CELF2: variants seen among roughly 807,000 people sequenced by gnomAD.
CELF2 encodes CUG triplet repeat RNA-binding protein 2.
A neutral mutation model predicts 62.6 loss-of-function variants in CELF2; 8 were observed. That is an observed-to-expected ratio of 0.13 (90% CI 0.07 to 0.23). The LOEUF (loss-of-function observed/expected upper bound fraction) is 0.23. CELF2 is among the 10% of genes least tolerant of loss of function. The probability of loss-of-function intolerance (pLI) is 1.00; values close to 1 mark genes in which losing one functional copy is unlikely to be tolerated. For synonymous variants in CELF2, 258 were observed against 250.0 expected, an observed-to-expected ratio of 1.03 and a Z score of -0.30; for missense variants, 333 against 671.0, an observed-to-expected ratio of 0.50 and a Z score of 5.56.
At chr10:10,845,225 A>G (rs1181579588) in intron 1 of CELF2, among the ~76,000 whole-genome samples, 1 of 151,942 alleles carries the variant, frequency 6.6e-6, no homozygotes, top group Non-Finnish European at 1.5e-5. Flanking sequence ...AGGGCCTCAA[A>G]TGGGAGATCT....
chr10:10,569,484 T>C, the CELF2 span, among the ~76,000 whole-genome samples: 1 of 152,146 alleles, frequency 6.6e-6, no homozygotes, highest in Non-Finnish European at 1.5e-5. Flanking sequence ...ATAGGAATTA[T>C]GGGAGCTACA....
At chr10:10,920,432 G>A (rs1477937346) in intron 2 of CELF2, among the ~76,000 whole-genome samples, 1 of 152,186 alleles carries the variant, frequency 6.6e-6, no homozygotes, top group Non-Finnish European at 1.5e-5. Flanking sequence ...AGCTTCCCCT[G>A]AAGAGCTCAC....
upstream of CELF2, among the ~76,000 whole-genome samples, chr10:10,795,328 G>A (rs1195913784): frequency 6.7e-6 from 1 of 148,328 alleles, no homozygotes; most frequent in Admixed American, 6.8e-5. Flanking sequence ...TTTTTTTTAT[G>A]TAAAGGGGTA....
At chr10:10,723,582 A>G in the CELF2 span, among the ~76,000 whole-genome samples, 1 of 152,220 alleles carries the variant, frequency 6.6e-6, no homozygotes, top group African/African-American at 2.4e-5. Flanking sequence ...AAGACTTCTA[A>G]GGTGCCCAGT....
intron 1 of CELF2, among the ~76,000 whole-genome samples, chr10:10,818,109 G>C (rs543703682): frequency 6.6e-6 from 1 of 152,046 alleles, no homozygotes; most frequent in Non-Finnish European, 1.5e-5. Context: ...ATTTCATTGG[G>C]GTCAATAAAA....
rs2096121955 is a variant in CELF2, at chr10:11,336,624, A to G, written c.*7571A>G. On this transcript the variant is annotated 3_prime_UTR_variant, in exon 13 of 13. Transcript: ENST00000633077. The surrounding 1 kb of genome is among the most constrained non-coding windows in gnomAD (Gnocchi z 5.4). ...ATACAGGATATTTTTCATTAAAATT[A>G]TATCACTGGCTTTATGACTTAATAT... The G allele has an allele frequency of 6.6e-6, 1 of 152,668 alleles. No homozygotes were observed. The highest frequency in any genetic ancestry group is 2.4e-5 in the African/African-American group (1 of 41,450). The allele number at this position is 152,668 out of a possible 1,614,324, so 9.5% of individuals were successfully genotyped here.
upstream of CELF2, among the ~76,000 whole-genome samples, chr10:10,795,259 A>G (rs568035427): frequency 1.4e-3 from 211 of 149,104 alleles, no homozygotes; most frequent in African/African-American, 5.1e-3. Flanking sequence ...TTTTTTTTTA[A>G]CAGGGAACTC....
the CELF2 span, among the ~76,000 whole-genome samples, chr10:10,659,952 AG>A: frequency 4.6e-5 from 7 of 152,158 alleles, no homozygotes; most frequent in Admixed American, 1.3e-4. Flanking sequence ...AGAGAGAGAG[AG>A]GTGGCGTGAC....
At chr10:10,643,370 G>A in the CELF2 span, among the ~76,000 whole-genome samples, 1 of 152,038 alleles carries the variant, frequency 6.6e-6, no homozygotes, top group African/African-American at 2.4e-5. Context: ...GAGATCTGAT[G>A]GTTCTATAAA....
At chr10:10,555,281 C>CTTTTT in the CELF2 span, among the ~76,000 whole-genome samples, 1 of 146,030 alleles carries the variant, frequency 6.8e-6, no homozygotes, top group African/African-American at 2.5e-5. Flanking sequence ...GCCAGAAAGT[C>CTTTTT]TTTTTTTTTT....
At position 11,309,154 on chromosome 10, in the gene CELF2, TGC is replaced by T. The variant is rs1181522480; in HGVS notation, c.977-4984_977-4983del. Among the ~76,000 whole-genome samples, 2 of 152,248 alleles carry T rather than the reference TGC, an allele frequency of 1.3e-5. No homozygotes were observed. The highest frequency in any genetic ancestry group is 2.9e-5 in the Non-Finnish European group (2 of 68,036). ...CGCACAGTTTCTGTTGTCTGCTGTC[TGC>T]TTTTTCCTGTGTACGGATTGCATGT... On this transcript the variant is annotated intron_variant, in intron 9 of 12. Coordinates refer to ENST00000633077, the MANE Select transcript of CELF2 (RefSeq NM_001326342.2). The surrounding 1 kb of genome is among the most constrained non-coding windows in gnomAD (Gnocchi z 5.6).
chr10:10,572,830 T>G, the CELF2 span, among the ~76,000 whole-genome samples: 1 of 152,212 alleles, frequency 6.6e-6, no homozygotes, highest in Non-Finnish European at 1.5e-5. Flanking sequence ...TACGTGTACA[T>G]GTATCTTTGT....
chr10:11,221,157 C>T (rs1206868469), intron 3 of CELF2, among the ~76,000 whole-genome samples: 1 of 152,212 alleles, frequency 6.6e-6, no homozygotes, highest in African/African-American at 2.4e-5. Flanking sequence ...CCTTGTTAGG[C>T]TGACTTTTCC....
At chr10:11,284,829 A>G (rs1414768698) in intron 8 of CELF2, among the ~76,000 whole-genome samples, 1 of 129,210 alleles carries the variant, frequency 7.7e-6, no homozygotes, top group Non-Finnish European at 1.7e-5. Flanking sequence ...TGGGTGGGAG[A>G]ATAATGGATG....
chr10:10,670,019 C>T, the CELF2 span, among the ~76,000 whole-genome samples: 1 of 151,132 alleles, frequency 6.6e-6, no homozygotes, highest in South Asian at 2.1e-4. Flanking sequence ...TCTCCTGCCT[C>T]AGCCTCCCAA....
intron 11 of CELF2, among the ~76,000 whole-genome samples, chr10:11,325,069 G>A (rs1008276191): frequency 3.9e-5 from 6 of 152,308 alleles, no homozygotes; most frequent in South Asian, 4.2e-4. Flanking sequence ...TTAGGAGCAC[G>A]CACCTCTCCA....
intron 2 of CELF2, among the ~76,000 whole-genome samples, chr10:10,984,716 G>A (rs953414351): frequency 2.0e-5 from 3 of 151,998 alleles, no homozygotes; most frequent in African/African-American, 7.2e-5. Flanking sequence ...CTCTTTTAAG[G>A]GGATTCACCA....
chr10:10,652,066 G>A, the CELF2 span, among the ~76,000 whole-genome samples: 6 of 146,216 alleles, frequency 4.1e-5, no homozygotes, highest in African/African-American at 1.0e-4. Flanking sequence ...CGAGAACTAC[G>A]TGAAGAATGC....
At chr10:10,466,333 T>C in the CELF2 span, among the ~76,000 whole-genome samples, 2 of 152,170 alleles carry the variant, frequency 1.3e-5, no homozygotes, top group Non-Finnish European at 2.9e-5. Flanking sequence ...TGTGTCTGGC[T>C]TTTTCATTTT....
Sources: allele counts gnomAD v4.1 joint callset (sites outside exome capture counted in the v4.1 genomes callset), GRCh38; gene constraint gnomAD v4.1.1; non-coding constraint Gnocchi (gnomAD v3.1); transcripts MANE v1.5; gene names NCBI Gene and HGNC (gene_info 2026-07-23, HGNC 2026-07-21).